The following RELN variants were observed in gnomAD, a reference collection of about 807,000 sequenced individuals.
RELN encodes reelin.
Under a neutral mutation model 427.6 loss-of-function variants are expected in RELN, and 108 were observed. The ratio of observed to expected loss-of-function variants is 0.25; its 90% CI spans 0.22 to 0.30. RELN has a LOEUF of 0.30. Ranked by LOEUF, RELN falls within the 10% of genes least tolerant of loss-of-function variation. The pLI, the probability that RELN is intolerant of heterozygous loss-of-function variation, is 1.00. For missense variants in RELN, 3,715 were observed against 4,302.8 expected, an observed-to-expected ratio of 0.86 and a Z score of 3.82; for synonymous variants, 1,524 against 1,513.4, an observed-to-expected ratio of 1.01 and a Z score of -0.16.
At chr7:103,748,099 AG>A (rs1790892622) in intron 6 of RELN, among the ~76,000 whole-genome samples, 1 of 151,792 alleles carries the variant, frequency 6.6e-6, no homozygotes, top group Non-Finnish European at 1.5e-5. Flanking sequence ...AAATGTCTGA[AG>A]GAAAAAACTT....
At chr7:103,622,889 G>A (rs140676240) in intron 20 of RELN, among the ~76,000 whole-genome samples, 21 of 152,224 alleles carry the variant, frequency 1.4e-4, no homozygotes, top group Middle Eastern at 3.4e-3. Flanking sequence ...TTCTATCTTC[G>A]TCTCCAACAC....
At chr7:103,914,919 G>T (rs1244955885) in intron 2 of RELN, among the ~76,000 whole-genome samples, 1 of 152,046 alleles carries the variant, frequency 6.6e-6, no homozygotes. Flanking sequence ...TCTCCATACT[G>T]ACCTCAGAGT....
chr7:103,778,924 C>T lies in RELN; in HGVS notation c.474-2297G>A, dbSNP rs116236696. Reference sequence around the variant, plus strand: ...CTACCTATTTCCCAAATCTTGCTATCGTGCTTCTCTGGAACTCTTAGGGTT... The same window carrying T: ...CTACCTATTTCCCAAATCTTGCTATTGTGCTTCTCTGGAACTCTTAGGGTT... On this transcript the variant is annotated intron_variant, in intron 3 of 64. Coordinates refer to ENST00000428762, the MANE Select transcript of RELN (RefSeq NM_005045.4). Among the ~76,000 whole-genome samples the T allele has an allele frequency of 2.9e-3, 449 of 152,290 alleles. 7 individuals carry two copies. The highest frequency in any genetic ancestry group is 0.01 in the African/African-American group (430 of 41,562).
At chr7:103,793,601 G>A (rs1792221179) in intron 3 of RELN, among the ~76,000 whole-genome samples, 2 of 152,186 alleles carry the variant, frequency 1.3e-5, no homozygotes, top group African/African-American at 4.8e-5. Flanking sequence ...TTTTAGAATA[G>A]TAAAAGTTCC....
intron 41 of RELN, among the ~76,000 whole-genome samples, chr7:103,548,716 G>C (rs1161065929): frequency 6.6e-6 from 1 of 152,164 alleles, no homozygotes; most frequent in African/African-American, 2.4e-5. Flanking sequence ...TTGTACCAGT[G>C]GGTGAAAATA....
At chr7:103,568,866 G>A (rs928395915) in intron 31 of RELN, among the ~76,000 whole-genome samples, 8 of 152,266 alleles carry the variant, frequency 5.3e-5, no homozygotes, top group Middle Eastern at 6.8e-3. Context: ...GTCACTGGCT[G>A]GTCCTTTCTA....
intron 3 of RELN, among the ~76,000 whole-genome samples, chr7:103,812,782 ATACAG>A (rs1451792444): frequency 6.6e-6 from 1 of 152,194 alleles, no homozygotes; most frequent in Non-Finnish European, 1.5e-5. Flanking sequence ...AGAATACTAA[ATACAG>A]TAGCATTTTA....
At chr7:103,741,852 C>T (rs573824678) in intron 6 of RELN, among the ~76,000 whole-genome samples, 1 of 152,186 alleles carries the variant, frequency 6.6e-6, no homozygotes, top group Admixed American at 6.5e-5. Context: ...CGGTCTACAG[C>T]TCCCAGCGTG....
rs1455056584 is a variant in RELN at position 103,519,425 on chromosome 7, G to T, written c.7760C>A (p.Pro2587Gln). The change falls in exon 49 of 65, where the codon CCA (proline) becomes CAA (glutamine). Residue 2587 changes from proline to glutamine, a missense_variant. Physicochemically the swap from Pro to Gln is moderately conservative, Grantham distance 76. Transcript: ENST00000428762. ...FYFMYGCLIT[P>Q]NNRNQGVLLE... ...GAGAACACCTTGGTTACGGTTGTTT[G>T]GTGTAATCAGGCACCCATACATGAA... The T allele has an allele frequency of 1.9e-6, 3 of 1,613,218 alleles. No individual in the cohort carries two copies. Among genetic ancestry groups the T allele is most frequent in the Non-Finnish European group, 2.5e-6 (3 of 1,179,362 alleles).
chr7:103,586,471 G>C (rs1234375743), intron 28 of RELN, among the ~76,000 whole-genome samples: 1 of 152,026 alleles, frequency 6.6e-6, no homozygotes, highest in Middle Eastern at 3.2e-3. Flanking sequence ...CCAAGAACTG[G>C]GACAATACAA....
rs147443547 is a variant in RELN at position 103,928,517 on chromosome 7, T to C, written c.227-11332A>G. Among the ~76,000 whole-genome samples the C allele has an allele frequency of 4.9e-4, 74 of 152,314 alleles. No homozygotes were observed. In the East Asian group the frequency reaches 0.013, roughly 27 times the overall value. On this transcript the variant is annotated intron_variant, in intron 1 of 64. Transcript: ENST00000428762. ...TCCTGGGATAGACCAACTACAGTGA[T>C]AGAAAAAGCTGCAAATCCACAGCTC...
rs1790119679 is a variant in RELN, at chr7:103,723,142, A to G, written c.803T>C (p.Ile268Thr). Residue 268 changes from isoleucine (I) to threonine (T), a missense_variant and splice_region_variant, in exon 8 of 65, where the codon ATT becomes ACT. Physicochemically the swap from Ile to Thr is moderately conservative, Grantham distance 89. Coordinates refer to ENST00000428762, the MANE Select transcript of RELN (RefSeq NM_005045.4). The stretch of plus-strand genomic sequence containing the variant: ...TATAACTGCTAAAAAACACTTACCA[A>G]TGGAAAATTGGAGGACAGAAGCTGT... ...TTTASVLQFSIGSGSCRFSYS... is the reference protein window; with the variant it reads ...TTTASVLQFSTGSGSCRFSYS... The G allele has an allele frequency of 1.3e-6, 2 of 1,588,814 alleles. No homozygotes were observed. Among genetic ancestry groups the G allele is most frequent in the South Asian group, 1.1e-5 (1 of 90,498 alleles).
chr7:103,488,134 G>A (rs1021418494), intron 60 of RELN, among the ~76,000 whole-genome samples: 5 of 140,512 alleles, frequency 3.6e-5, no homozygotes, highest in Non-Finnish European at 6.0e-5. Context: ...GGCAACAAGA[G>A]TGAAAACTCC....
At chr7:103,630,661 A>T (rs150959191) in intron 19 of RELN, among the ~76,000 whole-genome samples, 2 of 152,278 alleles carry the variant, frequency 1.3e-5, no homozygotes, top group Admixed American at 1.3e-4. Context: ...CGGGAACCAT[A>T]TATTAATTGC....
At chr7:103,606,950 G>A (rs1041670144) in intron 22 of RELN, among the ~76,000 whole-genome samples, 3 of 151,842 alleles carry the variant, frequency 2.0e-5, no homozygotes, top group Admixed American at 6.6e-5. Flanking sequence ...TTGTCCTTGC[G>A]ATAGTTTGCT....
At chr7:103,810,049 TCTA>T (rs1159525640) in intron 3 of RELN, among the ~76,000 whole-genome samples, 1 of 152,174 alleles carries the variant, frequency 6.6e-6, no homozygotes, top group African/African-American at 2.4e-5. Context: ...ACAGAAAATC[TCTA>T]CTTTTAATAA....
chr7:103,537,514 C>T (rs768812591), intron 45 of RELN, among the ~76,000 whole-genome samples: 7 of 152,152 alleles, frequency 4.6e-5, no homozygotes, highest in Non-Finnish European at 8.8e-5. Context: ...TTCATATTAT[C>T]ATTCATTTTA....
Position 103,496,722 on chromosome 7 carries a change from A to C in RELN, c.8997T>G (p.Ile2999Met). The C allele has an allele frequency of 6.2e-7, 1 of 1,614,134 alleles. No individual in the cohort carries two copies. Among genetic ancestry groups the C allele is most frequent in the Non-Finnish European group, 8.5e-7 (1 of 1,179,988 alleles). The change falls in exon 56 of 65, where the codon ATT (isoleucine) becomes ATG (methionine). Residue 2999 changes from isoleucine (I) to methionine (M), a missense_variant. Ile to Met is a conservative substitution (Grantham distance 10, BLOSUM62 1). This residue lies in a region of RELN where 1,310 missense variants were observed against 1,643.0 expected (regional missense o/e 0.80). Coordinates refer to ENST00000428762, the MANE Select transcript of RELN (RefSeq NM_005045.4). The part of the protein sequence containing the change: ...LLHEMDYQKY[I>M]SVRHDYILLP... ...GAAGTATGTAGTCGTGTCTAACAGA[A>C]ATGTATTTCTGGTAATCCATCTCAT... is the stretch of plus-strand genomic sequence containing the variant.
chr7:103,480,496 A>AG (rs1828194773), intron 63 of RELN, among the ~76,000 whole-genome samples: 1 of 152,226 alleles, frequency 6.6e-6, no homozygotes, highest in Admixed American at 6.5e-5. Flanking sequence ...GTACTTTGAA[A>AG]GGGTAGAGTG....
Sources: gnomAD v4.1 joint callset for allele counts (sites outside exome capture counted in the v4.1 genomes callset) on GRCh38, gnomAD v4.1.1 for gene constraint, gnomAD v4.1.1 regional missense constraint, MANE v1.5 for transcripts, NCBI Gene and HGNC (gene_info 2026-07-23, HGNC 2026-07-21) for gene names.